The following STK3 variants were observed in gnomAD, a reference collection of about 807,000 sequenced individuals.
The protein encoded by STK3 is serine/threonine kinase 3.
A neutral mutation model predicts 58.0 loss-of-function variants in STK3; 41 were observed. The ratio of observed to expected loss-of-function variants is 0.71; its 90% CI spans 0.55 to 0.92. The LOEUF (loss-of-function observed/expected upper bound fraction) is 0.92. Ranked by LOEUF, STK3 falls within the 40% of genes least tolerant of loss-of-function variation. The pLI, the probability that STK3 is intolerant of heterozygous loss-of-function variation, is 0.00. For missense variants in STK3, 479 were observed against 602.7 expected (o/e 0.79, Z 2.15); for synonymous variants, 170 against 191.0 (o/e 0.89, Z 0.91).
At chr8:98,833,427 A>C (rs1175602203) in intron 3 of STK3, among the ~76,000 whole-genome samples, 1 of 152,244 alleles carries the variant, frequency 6.6e-6, no homozygotes, top group Non-Finnish European at 1.5e-5. Flanking sequence ...GTCTCTTATC[A>C]GATATTTACC....
intron 6 of STK3, among the ~76,000 whole-genome samples, chr8:98,696,311 A>G (rs1330133883): frequency 6.6e-6 from 1 of 151,986 alleles, no homozygotes; most frequent in Non-Finnish European, 1.5e-5. Context: ...AACAGGGACA[A>G]TTTGACTTCC....
intron 3 of STK3, among the ~76,000 whole-genome samples, chr8:98,864,197 CAAAAAAAAAAAAAAAA>C (rs35196007): frequency 2.7e-5 from 1 of 37,446 alleles, no homozygotes; most frequent in Non-Finnish European, 4.6e-5. Flanking sequence ...GACTCCTTCT[CAAAAAAAAAAAAAAAA>C]AAAAAAAAAA....
chr8:98,874,251 C>T (rs1442317469), intron 3 of STK3, among the ~76,000 whole-genome samples: 2 of 152,180 alleles, frequency 1.3e-5, no homozygotes, highest in East Asian at 3.8e-4. Context: ...GGTAACCTGA[C>T]CTTTCTCTCT....
chr8:98,749,351 A>G lies in STK3; in HGVS notation c.276T>C (p.Asn92=). Residue 92 remains asparagine, a synonymous_variant, in exon 4 of 11, where the codon AAT becomes AAC. Transcript: ENST00000419617. ...VVKYYGSYFK[N]TDLWIVMEYC... ...ACTCCATAACAATCCAGAGGTCTGT[A>G]TTCTTAAAATAACTGCCATAGTACT... The G allele has an allele frequency of 1.9e-6, 3 of 1,607,318 alleles. No individual in the cohort carries two copies. The highest frequency in any genetic ancestry group is 1.7e-6 in the Non-Finnish European group (2 of 1,175,820).
intron 1 of STK3, among the ~76,000 whole-genome samples, chr8:98,915,776 C>T (rs1228035981): frequency 6.6e-6 from 1 of 152,080 alleles, no homozygotes; most frequent in East Asian, 1.9e-4. Flanking sequence ...AATATCCATC[C>T]TCCGCCCCTC....
At chr8:98,781,533 C>T (rs1832087262) in intron 1 of STK3, among the ~76,000 whole-genome samples, 1 of 152,152 alleles carries the variant, frequency 6.6e-6, no homozygotes, top group Non-Finnish European at 1.5e-5. Context: ...ATCTTTCCCA[C>T]TATCCAGAGT....
intron 3 of STK3, among the ~76,000 whole-genome samples, chr8:98,849,233 A>C (rs1025018388): frequency 6.6e-6 from 1 of 151,936 alleles, no homozygotes; most frequent in Admixed American, 6.6e-5. Context: ...CTCAAAAAAA[A>C]AAAAAAAAAA....
rs141202695 is a variant in STK3 at position 98,737,545 on chromosome 8, G to A, written c.351+11731C>T. Among the ~76,000 whole-genome samples, 108 of 152,148 alleles carry A rather than the reference G, an allele frequency of 7.1e-4. No individual in the cohort carries two copies. In the East Asian group the frequency reaches 9.5e-3, roughly 13 times the overall value. On this transcript the variant is annotated intron_variant, in intron 4 of 10. Coordinates refer to ENST00000419617, the MANE Select transcript of STK3 (RefSeq NM_006281.4). Reference sequence around the variant, plus strand: ...GGAACAGGGTCAGAGGAGTAACAACGGTAAAAACTGCTATGGTGAATAACA... The same window carrying A: ...GGAACAGGGTCAGAGGAGTAACAACAGTAAAAACTGCTATGGTGAATAACA...
chr8:98,439,639 T>C (rs16896996), intron 1 of STK3, among the ~76,000 whole-genome samples: 66,574 of 152,044 alleles, frequency 0.44, 14,803 homozygotes, highest in Admixed American at 0.52. Context: ...ATCAGAGCAG[T>C]GGTCAACACA....
chr8:98,744,827 C>CT (rs1408687101), intron 4 of STK3, among the ~76,000 whole-genome samples: 3 of 151,514 alleles, frequency 2.0e-5, no homozygotes, highest in African/African-American at 7.3e-5. Context: ...ATATACATAA[C>CT]TTTAGTAGGA....
chr8:98,354,889 T>G, the STK3 span, among the ~76,000 whole-genome samples: 32 of 152,346 alleles, frequency 2.1e-4, no homozygotes, highest in African/African-American at 7.7e-4. Flanking sequence ...GCGATTCTCC[T>G]GCCTCAGCCT....
intron 6 of STK3, among the ~76,000 whole-genome samples, chr8:98,696,824 T>C (rs1434337436): frequency 6.6e-6 from 1 of 152,230 alleles, no homozygotes; most frequent in Non-Finnish European, 1.5e-5. Context: ...TTCTCTTTTT[T>C]GGTTGTGTCT....
At chr8:98,825,445 G>A (rs1835193444) in intron 1 of STK3, 70 bp downstream of exon 1, 2 of 1,392,674 alleles carry the variant, frequency 1.4e-6, no homozygotes, top group Non-Finnish European at 9.5e-7. Flanking sequence ...AGCAGGGCCT[G>A]GCCTAGCCAC....
intron 1 of STK3, among the ~76,000 whole-genome samples, chr8:98,939,013 C>T (rs887873895): frequency 1.6e-4 from 25 of 152,126 alleles, no homozygotes; most frequent in African/African-American, 5.8e-4. Context: ...CATTGCTCTC[C>T]CCACCATCTT....
At chr8:98,797,133 A>G (rs561391020) in intron 1 of STK3, among the ~76,000 whole-genome samples, 6 of 151,802 alleles carry the variant, frequency 4.0e-5, no homozygotes, top group African/African-American at 1.5e-4. Context: ...CTACATTGAA[A>G]CTCTGTTGTT....
In STK3 at chr8:98,615,241, G is replaced by A. The variant is rs1382144457; in HGVS notation, c.685-19072C>T. Among the ~76,000 whole-genome samples, 8 of 150,066 alleles carry A rather than the reference G, an allele frequency of 5.3e-5. No homozygotes were observed. In the South Asian group the frequency reaches 8.7e-4, roughly 16 times the overall value. On this transcript the variant is annotated intron_variant, in intron 6 of 10. Coordinates refer to ENST00000419617, the MANE Select transcript of STK3 (RefSeq NM_006281.4). ...GGCAGGGTATTCCAACAGACCTGCA[G>A]CTGAGGGTCCTGTCTGTTAGAAGGA...
intron 3 of STK3, among the ~76,000 whole-genome samples, chr8:98,843,331 C>T (rs1400777671): frequency 6.6e-6 from 1 of 152,090 alleles, no homozygotes; most frequent in Non-Finnish European, 1.5e-5. Context: ...ACTGAAAGAC[C>T]CTGAAATAGA....
At chr8:98,927,705 T>C (rs915999217) in intron 1 of STK3, among the ~76,000 whole-genome samples, 1 of 152,216 alleles carries the variant, frequency 6.6e-6, no homozygotes, top group Non-Finnish European at 1.5e-5. Context: ...GTCCCAGAGC[T>C]TGTGCTATTA....
At chr8:98,623,704 A>G (rs1563818209) in intron 6 of STK3, among the ~76,000 whole-genome samples, 1 of 152,204 alleles carries the variant, frequency 6.6e-6, no homozygotes, top group Non-Finnish European at 1.5e-5. Context: ...GGATCATTTG[A>G]GCTCAGGAGG....
Sources: gnomAD v4.1 joint callset for allele counts (sites outside exome capture counted in the v4.1 genomes callset) on GRCh38, gnomAD v4.1.1 for gene constraint, MANE v1.5 for transcripts, NCBI Gene and HGNC (gene_info 2026-07-23, HGNC 2026-07-21) for gene names.